Variants in FAM228A observed in about 807,000 individuals in gnomAD.
FAM228A encodes family with sequence similarity 228 member A.
A neutral mutation model predicts 18.6 loss-of-function variants in FAM228A; 13 were observed. The ratio of observed to expected loss-of-function variants is 0.70; its 90% CI spans 0.45 to 1.11. FAM228A has a LOEUF of 1.11. Ranked by LOEUF, FAM228A falls within the 50% of genes least tolerant of loss-of-function variation. The probability of loss-of-function intolerance (pLI) is 0.00; values close to 1 mark genes in which losing one functional copy is unlikely to be tolerated. For synonymous variants in FAM228A, 77 were observed against 86.6 expected (o/e 0.89, Z 0.61); for missense variants, 240 against 242.2 (o/e 0.99, Z 0.06).
chr2:24,180,029 A>T (rs1265358666), intron 3 of FAM228A, among the ~76,000 whole-genome samples: 1 of 152,140 alleles, frequency 6.6e-6, no homozygotes, highest in East Asian at 1.9e-4. Context: ...TGGTTTCTTA[A>T]TTTAGAGATT....
chr2:24,189,492 C>G (rs993536756), intron 5 of FAM228A, among the ~76,000 whole-genome samples: 1 of 152,116 alleles, frequency 6.6e-6, no homozygotes, highest in African/African-American at 2.4e-5. Context: ...AACTCTCCAG[C>G]CCCTTACTGG....
rs201619656 is a variant in FAM228A at position 24,190,425 on chromosome 2, A to G, written c.415A>G (p.Ile139Val). ...KTYKYSPEKL[I>V]YADKKQKRKE... ...TTTTCTTCACAGTCCTGAAAAGCTC[A>G]TCTATGCAGACAAGAAACAGAAAAG... is the stretch of plus-strand genomic sequence containing the variant. Residue 139 changes from isoleucine (I) to valine (V), a missense_variant, in exon 6 of 6, where the codon ATC (isoleucine) becomes GTC (valine). Transcript: ENST00000295150. The G allele has an allele frequency of 1.9e-6, 3 of 1,611,228 alleles. No homozygotes were observed. Among genetic ancestry groups the G allele is most frequent in the Non-Finnish European group, 2.5e-6 (3 of 1,179,208 alleles).
At chr2:24,177,119 A>T (rs1037580782) in intron 2 of FAM228A, among the ~76,000 whole-genome samples, 1 of 152,228 alleles carries the variant, frequency 6.6e-6, no homozygotes. Context: ...ATCTAGCAAA[A>T]GGCGGGAAAC....
chr2:24,179,531 A>C (rs534813798), intron 3 of FAM228A, among the ~76,000 whole-genome samples: 1 of 152,274 alleles, frequency 6.6e-6, no homozygotes, highest in South Asian at 2.1e-4. Flanking sequence ...TGTGGCTTAA[A>C]CCATAAGGGC....
intron 5 of FAM228A, among the ~76,000 whole-genome samples, chr2:24,184,411 C>T (rs1042033046): frequency 4.7e-4 from 71 of 151,682 alleles, no homozygotes; most frequent in Non-Finnish European, 9.1e-4. Context: ...GCTTACATAC[C>T]ATAAAATTCA....
Position 24,190,465 on chromosome 2 carries a change from C to T in FAM228A, c.455C>T (p.Thr152Met), listed in dbSNP as rs771231219. Residue 152 changes from threonine (T) to methionine (M), a missense_variant, in exon 6 of 6, where the codon ACG becomes ATG. Transcript: ENST00000295150. The stretch of plus-strand genomic sequence containing the variant: ...AAACAGAAAAGAAAAGAGAAAAAGA[C>T]GGCCGACCTAAGTCAGGCTGCGTTT... Reference protein sequence around the residue: ...DKKQKRKEKKTADLSQAAFER... With the variant: ...DKKQKRKEKKMADLSQAAFER... 2.0e-5 allele frequency: 32 copies of T among 1,613,972 alleles called. No individual in the cohort carries two copies. The highest frequency in any genetic ancestry group is 1.7e-4 in the Admixed American group (10 of 59,968).
At chr2:24,188,975 T>C (rs992810453) in intron 5 of FAM228A, among the ~76,000 whole-genome samples, 12 of 152,208 alleles carry the variant, frequency 7.9e-5, no homozygotes, top group African/African-American at 2.9e-4. Flanking sequence ...AAGTTTTATG[T>C]ATTATTTCTG....
At chr2:24,176,098 A>C (rs756863340) in intron 2 of FAM228A, 156 of 985,326 alleles carry the variant, frequency 1.6e-4, no homozygotes, top group Non-Finnish European at 1.8e-4. Context: ...TGGCAAAATC[A>C]CAAAGAAGAG....
Position 24,175,625 on chromosome 2 carries a change from G to A in FAM228A, c.93+52G>A, listed in dbSNP as rs193234740. The A allele has an allele frequency of 6.2e-5, 82 of 1,322,120 alleles. No individual in the cohort carries two copies. The East Asian group carries it at 1.8e-3, about 29-fold the overall frequency. The allele number at this position is 1,322,120 out of a possible 1,614,324, so 81.9% of individuals were successfully genotyped here. The stretch of plus-strand genomic sequence containing the variant: ...TCATTTTGGCGGGGGGACCCCTCGA[G>A]TTTGGGAACTGTTTATCTTAATTTC... On this transcript the variant is annotated intron_variant, in intron 2 of 5. Transcript: ENST00000295150.
chr2:24,181,969 A>G (rs986296463), intron 3 of FAM228A, among the ~76,000 whole-genome samples: 2 of 152,192 alleles, frequency 1.3e-5, no homozygotes, highest in Non-Finnish European at 2.9e-5. Flanking sequence ...AGCAAACTTG[A>G]AGCACAAGAA....
chr2:24,184,860 A>G (rs1367005790), intron 5 of FAM228A, among the ~76,000 whole-genome samples: 2 of 142,318 alleles, frequency 1.4e-5, no homozygotes, highest in African/African-American at 5.3e-5. Context: ...GTCTCATTCT[A>G]TCGTCAGGCT....
chr2:24,190,290 C>T (rs1235740671), intron 5 of FAM228A, 122 bp from the exon 6 acceptor site: 10 of 1,212,318 alleles, frequency 8.2e-6, no homozygotes, highest in Admixed American at 2.9e-5. Context: ...CCAGTGATGG[C>T]TGGTCAGTCG....
Position 24,183,469 on chromosome 2 carries a change from G to T in FAM228A, c.251-26G>T, listed in dbSNP as rs199878019. The T allele has an allele frequency of 3.9e-5, 63 of 1,609,010 alleles. No individual in the cohort carries two copies. The Admixed American group carries it at 1.1e-3, about 27-fold the overall frequency. On this transcript the variant is annotated intron_variant, in intron 4 of 5. Transcript: ENST00000295150. Reference sequence around the variant, plus strand: ...GCAACTGGAGTTCTTGAAGAGTGTTGATTTCGATTTTTTATCTTCCTGTAG... The same window carrying T: ...GCAACTGGAGTTCTTGAAGAGTGTTTATTTCGATTTTTTATCTTCCTGTAG...
In FAM228A at chr2:24,191,297, TCACCACCACACA is replaced by T. The variant is rs1668078943; in HGVS notation, c.*670_*681del. The T allele has an allele frequency of 1.0e-6, 1 of 985,648 alleles. No individual in the cohort carries two copies. The highest frequency in any genetic ancestry group is 1.2e-6 in the Non-Finnish European group (1 of 830,146). The allele number at this position is 985,648 out of a possible 1,614,324, so 61.1% of individuals were successfully genotyped here. A position where few individuals can be genotyped will look rare whatever the true frequency, so the allele number is the denominator to read the frequency against. ...GGACCTGACAGCGTCACTCCCACCC[TCACCACCACACA>T]CACAGGATGGGGGACTGCTGCTGCT... On this transcript the variant is annotated 3_prime_UTR_variant, in exon 6 of 6. Coordinates refer to ENST00000295150, the MANE Select transcript of FAM228A (RefSeq NM_001040710.3).
intron 3 of FAM228A, among the ~76,000 whole-genome samples, chr2:24,180,335 C>G (rs1380050830): frequency 6.6e-6 from 1 of 151,240 alleles, no homozygotes; most frequent in Non-Finnish European, 1.5e-5. Context: ...ACTTGTAGTC[C>G]CAGCTACTTG....
intron 3 of FAM228A, among the ~76,000 whole-genome samples, chr2:24,178,416 A>T (rs963500617): frequency 1.3e-5 from 2 of 152,114 alleles, no homozygotes; most frequent in African/African-American, 4.8e-5. Context: ...CTACAAAAAA[A>T]TTAAAAAATT....
chr2:24,184,672 A>G (rs1667903586), intron 5 of FAM228A, among the ~76,000 whole-genome samples: 1 of 151,952 alleles, frequency 6.6e-6, no homozygotes, highest in African/African-American at 2.4e-5. Context: ...CACATTTGTT[A>G]TTTATTTATT....
Position 24,190,834 on chromosome 2 carries a change from C to A in FAM228A, c.*203C>A. The A allele has an allele frequency of 7.9e-7, 1 of 1,262,952 alleles. No individual in the cohort carries two copies. The highest frequency in any genetic ancestry group is 1.0e-6 in the Non-Finnish European group (1 of 1,001,650). The allele number at this position is 1,262,952 out of a possible 1,614,324, so 78.2% of individuals were successfully genotyped here. ...AAATGTGGGACCTGGACCCCACTTT[C>A]CGGAGACATCCTGTCCTTCCGAGGT... On this transcript the variant is annotated 3_prime_UTR_variant, in exon 6 of 6. Coordinates refer to ENST00000295150, the MANE Select transcript of FAM228A (RefSeq NM_001040710.3).
intron 2 of FAM228A, 191 bp downstream of exon 2, chr2:24,175,764 G>A (rs892606355): frequency 2.6e-6 from 2 of 769,452 alleles, no homozygotes; most frequent in South Asian, 1.9e-5. Context: ...TCGCCAGCCT[G>A]GGGGCTGGCG....
Sources: allele counts gnomAD v4.1 joint callset (sites outside exome capture counted in the v4.1 genomes callset), GRCh38; gene constraint gnomAD v4.1.1; transcripts MANE v1.5; gene names NCBI Gene and HGNC (gene_info 2026-07-23, HGNC 2026-07-21).